Variants in MEFV observed in about 807,000 individuals in gnomAD.
MEFV encodes the protein MEFV innate immunity regulator, pyrin, also known as pyrin.
A neutral mutation model predicts 62.5 loss-of-function variants in MEFV; 60 were observed. That is an observed-to-expected ratio of 0.96 (90% CI 0.78 to 1.19). The LOEUF (loss-of-function observed/expected upper bound fraction) is 1.19. Among genes scored for constraint, MEFV ranks in the 50% most tolerant of loss-of-function variants. The pLI, the probability that MEFV is intolerant of heterozygous loss-of-function variation, is 0.00. For missense variants in MEFV, 1,169 were observed against 1,004.5 expected (o/e 1.16, Z -2.21); for synonymous variants, 500 against 415.2 (o/e 1.20, Z -2.48).
chr16:3,243,614 T>C lies in MEFV; in HGVS notation c.1873A>G (p.Lys625Glu), dbSNP rs773281678. The change falls in exon 10 of 10, where the codon AAG becomes GAG. Residue 625 changes from lysine to glutamate, a missense_variant. Coordinates refer to ENST00000219596, the MANE Select transcript of MEFV (RefSeq NM_000243.3). ...GGGCCATCAGGCAGCCTCTCCCACT[T>C]GTTTCCAAGTCTAACACTCTTCAGA... ...DDLKSVRLGN[K>E]WERLPDGPQR... is the part of the protein sequence containing the mutation. 6.3e-7 allele frequency: 1 copy of C among 1,599,038 alleles called. No homozygotes were observed. Among genetic ancestry groups the C allele is most frequent in the South Asian group, 1.1e-5 (1 of 89,268 alleles).
At chr16:3,248,742 C>A in intron 4 of MEFV, 167 bp downstream of exon 4, 1 of 985,396 alleles carries the variant, frequency 1.0e-6, no homozygotes, top group Non-Finnish European at 1.2e-6. Context: ...GGTGGTCTCC[C>A]TCTACAGGGA....
rs1283065696 is a variant in MEFV at position 3,249,489 on chromosome 16, C to T, written c.1202G>A (p.Ser401Asn). The T allele has an allele frequency of 6.2e-7, 1 of 1,614,158 alleles. No individual in the cohort carries two copies. Among genetic ancestry groups the T allele is most frequent in the Non-Finnish European group, 8.5e-7 (1 of 1,180,036 alleles). ...CACCCGGTGGCCTTGGTGCTCCTGA[C>T]TCAGACTGCAGATGAGGCAGATGGG... ...DEPICLICSL[S>N]QEHQGHRVRP... Residue 401 changes from serine (S) to asparagine (N), a missense_variant, in exon 3 of 10, where the codon AGT becomes AAT. Coordinates refer to ENST00000219596, the MANE Select transcript of MEFV (RefSeq NM_000243.3).
intron 2 of MEFV, among the ~76,000 whole-genome samples, chr16:3,250,338 G>A (rs1227106498): frequency 1.3e-5 from 2 of 152,278 alleles, no homozygotes; most frequent in Non-Finnish European, 1.5e-5. Flanking sequence ...GGGCTGGGTG[G>A]TGGCTCATGC....
rs104895179 is a variant in MEFV, at chr16:3,254,482, C to T, written c.586G>A (p.Gly196Arg). The T allele has an allele frequency of 5.0e-6, 8 of 1,587,120 alleles. No homozygotes were observed. Among genetic ancestry groups the T allele is most frequent in the Middle Eastern group, 2.0e-4 (1 of 5,116 alleles). The change falls in exon 2 of 10, where the codon GGG (glycine) becomes AGG (arginine). Residue 196 changes from glycine to arginine, a missense_variant. Physicochemically the swap from Gly to Arg is moderately radical, Grantham distance 125. Transcript: ENST00000219596. ...RSPGPCRALEGGQAEVRLRRN... is the reference protein window; with the variant it reads ...RSPGPCRALERGQAEVRLRRN... ...CGCAGCCGGACCTCGGCCTGGCCCCCCTCTAGCGCCCTGCAGGGGCCGGGG... is the reference window on the plus strand; with the variant it reads ...CGCAGCCGGACCTCGGCCTGGCCCCTCTCTAGCGCCCTGCAGGGGCCGGGG...
chr16:3,247,796 T>G (rs1958965229), intron 4 of MEFV: 1 of 150,076 alleles, frequency 6.7e-6, no homozygotes, highest in Admixed American at 6.3e-5. Flanking sequence ...TAGCCAGGAG[T>G]GGTGGCATGT....
At position 3,247,262 on chromosome 16, in the gene MEFV, C is replaced by T. The variant is rs775104748; in HGVS notation, c.1357-16G>A. 7 of 1,612,920 alleles carry T rather than the reference C, an allele frequency of 4.3e-6. 1 individual carries two copies. In the South Asian group the frequency reaches 7.7e-5, roughly 18 times the overall value. ...CAGTTTGTTTCTGGGGAGCAGAGGA[C>T]AGGGAGGTATGGGGGTCTGTGCTGT... On this transcript the variant is annotated splice_polypyrimidine_tract_variant and intron_variant, in intron 4 of 9. Coordinates refer to ENST00000219596, the MANE Select transcript of MEFV (RefSeq NM_000243.3).
At chr16:3,243,998 G>C (rs1958901506) in intron 8 of MEFV, 106 bp from the exon 9 acceptor site, 1 of 1,566,626 alleles carries the variant, frequency 6.4e-7, no homozygotes, top group African/African-American at 1.4e-5. Flanking sequence ...CCCCTGCTTA[G>C]GGCCCTGCAT....
In MEFV at chr16:3,254,477, G is replaced by A; in HGVS notation, c.591C>T (p.Gly197=). 1 of 1,594,806 alleles carries A rather than the reference G, an allele frequency of 6.3e-7. No homozygotes were observed. The highest frequency in any genetic ancestry group is 8.5e-7 in the Non-Finnish European group (1 of 1,171,986). The change falls in exon 2 of 10, where the codon GGC becomes GGT. Residue 197 remains glycine (G), a synonymous_variant. Transcript: ENST00000219596. Reference sequence around the variant, plus strand: ...TTCTGCGCAGCCGGACCTCGGCCTGGCCCCCCTCTAGCGCCCTGCAGGGGC... The same window carrying A: ...TTCTGCGCAGCCGGACCTCGGCCTGACCCCCCTCTAGCGCCCTGCAGGGGC... ...SPGPCRALEG[G]QAEVRLRRNA...
chr16:3,243,727 T>C (rs1293975873), intron 9 of MEFV, 33 bp from the exon 10 acceptor site: 17 of 1,612,180 alleles, frequency 1.1e-5, no homozygotes, highest in Non-Finnish European at 1.4e-5. Context: ...TAGGTAGGGG[T>C]CCATGGGCAA....
In MEFV at chr16:3,254,614, C is replaced by T. The variant is rs1266119651; in HGVS notation, c.454G>A (p.Gly152Arg). Residue 152 changes from glycine (G) to arginine (R), a missense_variant, in exon 2 of 10, where the codon GGG (glycine) becomes AGG (arginine). Transcript: ENST00000219596. The stretch of plus-strand genomic sequence containing the variant: ...TTGCTCAGGGGCTTCCTCGACAGCC[C>T]CCTCCCGGCCTCGGGCTGGCTGCAC... Reference protein sequence around the residue: ...LRCSQPEAGRGLSRKPLSKRR... With the variant: ...LRCSQPEAGRRLSRKPLSKRR... 11 of 1,602,728 alleles carry T rather than the reference C, an allele frequency of 6.9e-6. No individual in the cohort carries two copies. The highest frequency in any genetic ancestry group is 1.3e-5 in the African/African-American group (1 of 74,726).
chr16:3,252,050 C>CA (rs1959041899), intron 2 of MEFV: 1 of 261,122 alleles, frequency 3.8e-6, no homozygotes. Flanking sequence ...GACCCCATAT[C>CA]TAAAAAAAAA....
Position 3,249,444 on chromosome 16 carries a change from G to T in MEFV, c.1247C>A (p.Ala416Asp), listed in dbSNP as rs752763558. 1 of 1,613,756 alleles carries T rather than the reference G, an allele frequency of 6.2e-7. No homozygotes were observed. The highest frequency in any genetic ancestry group is 8.5e-7 in the Non-Finnish European group (1 of 1,180,034). The part of the protein sequence containing the change: ...GHRVRPIEEV[A>D]LEHKKKIQKQ... ...GGGAGTGCCTACCTTGTGTTCCAGG[G>T]CGACCTCCTCAATGGGGCGCACCCG... The change falls in exon 3 of 10, where the codon GCC (alanine) becomes GAC (aspartate). Residue 416 changes from alanine to aspartate, a missense_variant. Ala to Asp is a moderately radical substitution (Grantham distance 126). Transcript: ENST00000219596.
chr16:3,255,145 C>A (rs1322474054), intron 1 of MEFV, among the ~76,000 whole-genome samples: 2 of 152,044 alleles, frequency 1.3e-5, no homozygotes, highest in Non-Finnish European at 2.9e-5. Flanking sequence ...GGCAAAACCC[C>A]GTTCCTACTA....
At chr16:3,248,621 C>A (rs112560449) in intron 4 of MEFV, 1 of 773,836 alleles carries the variant, frequency 1.3e-6, no homozygotes, top group African/African-American at 1.8e-5. Context: ...CCTCCCTTTT[C>A]CTCAATCCCA....
chr16:3,247,293 G>A (rs748601353), intron 4 of MEFV, 47 bp from the exon 5 acceptor site: 3 of 1,572,020 alleles, frequency 1.9e-6, no homozygotes, highest in East Asian at 4.5e-5. Context: ...GCTGTGGGTG[G>A]ACGTGGATGT....
chr16:3,244,399 GA>G, intron 7 of MEFV, 73 bp downstream of exon 7: 2 of 1,593,422 alleles, frequency 1.3e-6, no homozygotes, highest in Non-Finnish European at 1.7e-6. Context: ...GGAGGGAAGT[GA>G]GGGGCTCTGG....
chr16:3,247,281 G>A lies in MEFV; in HGVS notation c.1357-35C>T, dbSNP rs747068318. ...AGAGGACAGGGAGGTATGGGGGTCT[G>A]TGCTGTGGGTGGACGTGGATGTCCA... is the stretch of plus-strand genomic sequence containing the variant. On this transcript the variant is annotated intron_variant, in intron 4 of 9. Transcript: ENST00000219596. The A allele has an allele frequency of 2.5e-6, 4 of 1,595,654 alleles. No individual in the cohort carries two copies. The South Asian group carries it at 4.4e-5, about 18-fold the overall frequency.
rs483353019 is a variant in MEFV, at chr16:3,254,250, G to T, written c.818C>A (p.Ser273Ter). The change falls in exon 2 of 10, where the codon TCG (serine) becomes TAG (stop). Residue 273 changes from serine (S) to a stop codon, truncating the protein, a stop_gained. Transcript: ENST00000219596. LOFTEE classifies it high-confidence loss of function. ...GGGCCTTGCCCGGGGTTCTGTTGCC[G>T]AGTCCAGATTCGCAGCTGTCTTTTC... ...LEEKTAANLD[S>*]ATEPRARPTP... 6.2e-7 allele frequency: 1 copy of T among 1,614,154 alleles called. No individual in the cohort carries two copies. Among genetic ancestry groups the T allele is most frequent in the Non-Finnish European group, 8.5e-7 (1 of 1,180,060 alleles).
chr16:3,254,231 T>C lies in MEFV; in HGVS notation c.837A>G (p.Ala279=). ...ATGCCCCTCCATCCGGAGTGGGCCT[T>C]GCCCGGGGTTCTGTTGCCGAGTCCA... is the stretch of plus-strand genomic sequence containing the variant. ...ANLDSATEPR[A]RPTPDGGASA... Residue 279 remains alanine, a synonymous_variant, in exon 2 of 10, where the codon GCA becomes GCG. Coordinates refer to ENST00000219596, the MANE Select transcript of MEFV (RefSeq NM_000243.3). The C allele has an allele frequency of 1.2e-6, 2 of 1,614,282 alleles. No individual in the cohort carries two copies. Among genetic ancestry groups the C allele is most frequent in the East Asian group, 4.5e-5 (2 of 44,888 alleles).
Sources: gnomAD v4.1 joint callset for allele counts (sites outside exome capture counted in the v4.1 genomes callset) on GRCh38, gnomAD v4.1.1 for gene constraint, MANE v1.5 for transcripts, NCBI Gene and HGNC (gene_info 2026-07-23, HGNC 2026-07-21) for gene names.